Variants in SUPT6H observed in about 807,000 individuals in gnomAD.
The protein encoded by SUPT6H is SPT6 homolog, histone chaperone and transcription elongation factor.
Under a neutral mutation model 222.3 loss-of-function variants are expected in SUPT6H, and 11 were observed. That is an observed-to-expected ratio of 0.05 (90% confidence interval 0.03 to 0.08). The LOEUF (loss-of-function observed/expected upper bound fraction) is 0.08. Ranked by LOEUF, SUPT6H falls within the 10% of genes least tolerant of loss-of-function variation. The pLI, the probability that SUPT6H is intolerant of heterozygous loss-of-function variation, is 1.00. For synonymous variants in SUPT6H, 762 were observed against 801.2 expected, an observed-to-expected ratio of 0.95 and a Z score of 0.83; for missense variants, 1,422 against 2,216.0, an observed-to-expected ratio of 0.64 and a Z score of 7.19.
Position 28,681,249 on chromosome 17 carries a change from T to A in SUPT6H, c.1350-7T>A. On this transcript the variant is annotated splice_region_variant and splice_polypyrimidine_tract_variant and intron_variant, in intron 11 of 36. Transcript: ENST00000314616. Reference sequence around the variant, plus strand: ...ATGACTGAAACCTTATGTCTCTTCTTTTTCAGGCTCAAGGATGTCCAATCA... The same window carrying A: ...ATGACTGAAACCTTATGTCTCTTCTATTTCAGGCTCAAGGATGTCCAATCA... 2 of 1,613,580 alleles carry A rather than the reference T, an allele frequency of 1.2e-6. No individual in the cohort carries two copies. The highest frequency in any genetic ancestry group is 1.1e-5 in the South Asian group (1 of 91,022).
At chr17:28,698,441 C>T (rs899732047) in intron 32 of SUPT6H, among the ~76,000 whole-genome samples, 2 of 152,232 alleles carry the variant, frequency 1.3e-5, no homozygotes, top group Non-Finnish European at 2.9e-5. Flanking sequence ...CGCACTGAAG[C>T]GGTGGTCAGG....
intron 1 of SUPT6H, among the ~76,000 whole-genome samples, chr17:28,670,685 A>G (rs1371375084): frequency 1.3e-5 from 2 of 152,124 alleles, no homozygotes; most frequent in Non-Finnish European, 2.9e-5. Context: ...TCAGGAGTTC[A>G]AGACCAGCCT....
chr17:28,670,286 G>C (rs1263172598), intron 1 of SUPT6H: 1 of 152,242 alleles, frequency 6.6e-6, no homozygotes, highest in East Asian at 1.9e-4. Flanking sequence ...GTAACTCATA[G>C]GACAGTGTAG....
chr17:28,674,508 T>C (rs908918227), intron 3 of SUPT6H, 29 bp from the exon 4 acceptor site: 8 of 1,614,178 alleles, frequency 5.0e-6, no homozygotes, highest in Non-Finnish European at 6.8e-6. Flanking sequence ...GGCAACCCCA[T>C]CACCATGGGC....
chr17:28,673,658 T>C, intron 2 of SUPT6H, 148 bp downstream of exon 2: 1 of 625,078 alleles, frequency 1.6e-6, no homozygotes, highest in Non-Finnish European at 2.9e-6. Context: ...TAGCAGATAC[T>C]AACTGAGCAT....
rs567518806 is a variant in SUPT6H at position 28,699,725 on chromosome 17, G to A, written c.4449-56G>A. 5.4e-5 allele frequency: 78 copies of A among 1,440,250 alleles called. 2 individuals carry two copies. In the South Asian group the frequency reaches 6.3e-4, roughly 12 times the overall value. The allele number at this position is 1,440,250 out of a possible 1,614,324, so 89.2% of individuals were successfully genotyped here. On this transcript the variant is annotated intron_variant, in intron 32 of 36. Transcript: ENST00000314616. ...CACATGGTGGGCATCTGTTCTGGTC[G>A]CTCTTGTGGTGGGTCCCAAGTGGTT...
At chr17:28,700,540 G>A (rs761914156) in intron 35 of SUPT6H, 28 bp downstream of exon 35, 3 of 1,606,268 alleles carry the variant, frequency 1.9e-6, no homozygotes, top group Middle Eastern at 1.7e-4. Context: ...GAAGCTCCCT[G>A]TGCAGGGTGG....
At chr17:28,701,254 G>A in intron 36 of SUPT6H, 126 bp downstream of exon 36, 2 of 1,414,326 alleles carry the variant, frequency 1.4e-6, no homozygotes, top group African/African-American at 1.4e-5. Flanking sequence ...GATATGCCAG[G>A]AACACTAGTT....
chr17:28,683,858 C>T, intron 17 of SUPT6H, 42 bp downstream of exon 17: 1 of 1,503,726 alleles, frequency 6.7e-7, no homozygotes, highest in Non-Finnish European at 9.0e-7. Flanking sequence ...TTTTTGGTGA[C>T]AGAGTCTTGC....
At chr17:28,693,602 G>T in intron 27 of SUPT6H, 94 bp from the exon 28 acceptor site, 1 of 1,469,956 alleles carries the variant, frequency 6.8e-7, no homozygotes, top group South Asian at 1.2e-5. Context: ...GGTGTCAATG[G>T]TAAAAGAAAT....
In SUPT6H at chr17:28,678,973, G is replaced by T; in HGVS notation, c.1349+10G>T. The T allele has an allele frequency of 6.2e-7, 1 of 1,614,122 alleles. No homozygotes were observed. On this transcript the variant is annotated intron_variant, in intron 11 of 36. Transcript: ENST00000314616. ...CCACTGACATGGAGAGGTAAAACAT[G>T]CGGTGTTTATTCCATTATGGGAAGC...
chr17:28,666,403 C>T (rs945094002), intron 1 of SUPT6H, among the ~76,000 whole-genome samples: 20 of 152,176 alleles, frequency 1.3e-4, no homozygotes, highest in Admixed American at 1.0e-3. Context: ...AGGAACTATG[C>T]GCTCCTCAAT....
At chr17:28,700,014 C>CTGTCACTGCAGCTGTCTTA in intron 33 of SUPT6H, 121 bp downstream of exon 33, 1 of 1,364,378 alleles carries the variant, frequency 7.3e-7, no homozygotes, top group South Asian at 1.2e-5. Flanking sequence ...CTGTCTTACT[C>CTGTCACTGCAGCTGTCTTA]CTCCTGCAGC....
chr17:28,680,109 A>G (rs556024905), intron 11 of SUPT6H, among the ~76,000 whole-genome samples: 1 of 151,956 alleles, frequency 6.6e-6, no homozygotes, highest in East Asian at 1.9e-4. Flanking sequence ...GTTCAAGACC[A>G]GCTTGGCCAA....
chr17:28,679,049 T>C (rs1006164561), intron 11 of SUPT6H, 86 bp downstream of exon 11: 69 of 1,551,312 alleles, frequency 4.4e-5, no homozygotes, highest in Non-Finnish European at 5.6e-5. Context: ...CCTTGGAGAA[T>C]GTGTAGCACA....
rs141509061 is a variant in SUPT6H at position 28,687,416 on chromosome 17, C to G, written c.2951C>G (p.Ala984Gly). The G allele has an allele frequency of 6.2e-7, 1 of 1,614,054 alleles. No individual in the cohort carries two copies. The highest frequency in any genetic ancestry group is 1.3e-5 in the African/African-American group (1 of 74,902). ...NRAIAHPYSQ[A>G]LIQYVCGLGP... ...GCCATTGCCCACCCTTACAGCCAGG[C>G]CTTGATCCAGTATGTTTGTGGCCTG... The change falls in exon 23 of 37, where the codon GCC (alanine) becomes GGC (glycine). Residue 984 changes from alanine (A) to glycine (G), a missense_variant. Ala to Gly is a moderately conservative substitution (Grantham distance 60, BLOSUM62 0). Transcript: ENST00000314616.
intron 19 of SUPT6H, among the ~76,000 whole-genome samples, chr17:28,685,835 A>G (rs915223662): frequency 6.6e-6 from 1 of 152,198 alleles, no homozygotes; most frequent in Non-Finnish European, 1.5e-5. Context: ...AACTACTCAC[A>G]TTTTAGCAAA....
At chr17:28,677,382 C>CA (rs534234394) in intron 7 of SUPT6H, among the ~76,000 whole-genome samples, 64 of 130,126 alleles carry the variant, frequency 4.9e-4, no homozygotes, top group Middle Eastern at 8.8e-3. Context: ...GACTCCATCT[C>CA]AAAAAAAAAA....
chr17:28,687,242 A>G lies in SUPT6H; in HGVS notation c.2838+17A>G. ...CCCTTGCAGGTGAGTAGGATTTGAC[A>G]GGCAGGCTCGGGTGAAGGGAAAGGC... On this transcript the variant is annotated intron_variant, in intron 22 of 36. Coordinates refer to ENST00000314616, the MANE Select transcript of SUPT6H (RefSeq NM_003170.5). The G allele has an allele frequency of 6.2e-7, 1 of 1,614,180 alleles. No homozygotes were observed. The highest frequency in any genetic ancestry group is 8.5e-7 in the Non-Finnish European group (1 of 1,180,026).
Sources: allele counts gnomAD v4.1 joint callset (sites outside exome capture counted in the v4.1 genomes callset), GRCh38; gene constraint gnomAD v4.1.1; transcripts MANE v1.5; gene names NCBI Gene and HGNC (gene_info 2026-07-23, HGNC 2026-07-21).